LPP: variants seen among roughly 807,000 people sequenced by gnomAD.
LPP encodes LIM domain containing preferred translocation partner in lipoma.
In LPP, 38 loss-of-function variants were observed where a neutral mutation model predicts 60.4. The ratio of observed to expected loss-of-function variants is 0.63; its 90% CI spans 0.49 to 0.83. The LOEUF (loss-of-function observed/expected upper bound fraction) is 0.83. Among genes scored for constraint, LPP ranks in the 40% least tolerant of loss-of-function variants. The pLI, the probability that LPP is intolerant of heterozygous loss-of-function variation, is 0.00. For synonymous variants in LPP, 328 were observed against 290.8 expected (o/e 1.13, Z -1.30); for missense variants, 902 against 783.6 (o/e 1.15, Z -1.80).
intron 9 of LPP, among the ~76,000 whole-genome samples, chr3:188,853,416 C>T (rs2151877382): frequency 6.6e-6 from 1 of 152,156 alleles, no homozygotes; most frequent in Middle Eastern, 3.4e-3. Context: ...GAAGAGGTAA[C>T]ATTCACATAT....
At position 188,252,055 on chromosome 3, in the gene LPP, TATATATATATATATATATATACAC is replaced by T. The variant is rs1729878753; in HGVS notation, c.-67+26530_-67+26553del. On this transcript the variant is annotated intron_variant, in intron 2 of 11. Transcript: ENST00000617246. ...TGATATATATATATATATATATATATATATATATATATATATATATACACACACACACACACATATATCAGATTA... is the reference window on the plus strand; with the variant it reads ...TGATATATATATATATATATATATATACACACACACACATATATCAGATTA... Among the ~76,000 whole-genome samples, 3 of 98,364 alleles carry T rather than the reference TATATATATATATATATATATACAC, an allele frequency of 3.0e-5. No individual in the cohort carries two copies. The South Asian group carries it at 9.8e-4, about 32-fold the overall frequency. The allele number at this position is 98,364 out of a possible 152,430, so 64.5% of individuals were successfully genotyped here.
At chr3:188,704,939 C>T (rs999691044) in intron 7 of LPP, among the ~76,000 whole-genome samples, 10 of 151,916 alleles carry the variant, frequency 6.6e-5, no homozygotes, top group African/African-American at 2.4e-4. Flanking sequence ...CTGTCCAGAC[C>T]GAAATACTGA....
intron 4 of LPP, among the ~76,000 whole-genome samples, chr3:188,478,024 T>A (rs944248098): frequency 6.6e-6 from 1 of 152,188 alleles, no homozygotes; most frequent in Non-Finnish European, 1.5e-5. Context: ...TTCCTTTATT[T>A]AGTTTCATAA....
chr3:188,266,137 C>T (rs1209634761), intron 2 of LPP, among the ~76,000 whole-genome samples: 2 of 151,904 alleles, frequency 1.3e-5, no homozygotes, highest in East Asian at 1.9e-4. Flanking sequence ...TTTTTCCCCT[C>T]CCTTTCTCTT....
chr3:188,787,464 C>G (rs914354102), intron 9 of LPP, among the ~76,000 whole-genome samples: 2 of 151,906 alleles, frequency 1.3e-5, no homozygotes, highest in Admixed American at 1.3e-4. Context: ...GCTTTATTGT[C>G]TTTGCTCTAC....
intron 3 of LPP, among the ~76,000 whole-genome samples, chr3:188,387,820 C>T (rs971977264): frequency 6.6e-6 from 1 of 152,062 alleles, no homozygotes; most frequent in Non-Finnish European, 1.5e-5. Flanking sequence ...CTGCCTTGGC[C>T]TCCCAAAGTG....
chr3:188,475,363 A>G (rs905990409), intron 4 of LPP, among the ~76,000 whole-genome samples: 1 of 152,262 alleles, frequency 6.6e-6, no homozygotes, highest in Non-Finnish European at 1.5e-5. Flanking sequence ...ATGCATTAAA[A>G]TTAAACGCTG....
chr3:188,291,167 C>T (rs1745794732), intron 2 of LPP, among the ~76,000 whole-genome samples: 1 of 152,160 alleles, frequency 6.6e-6, no homozygotes, highest in Admixed American at 6.5e-5. Flanking sequence ...CTTTTACTTT[C>T]TTGGGCTTCT....
At chr3:188,638,391 A>G (rs1023225320) in intron 7 of LPP, among the ~76,000 whole-genome samples, 4 of 145,608 alleles carry the variant, frequency 2.7e-5, no homozygotes, top group Non-Finnish European at 6.1e-5. Flanking sequence ...ATCTATGACA[A>G]ACCCACAGCC....
At chr3:188,458,929 G>T (rs1476825575) in intron 4 of LPP, among the ~76,000 whole-genome samples, 1 of 151,828 alleles carries the variant, frequency 6.6e-6, no homozygotes, top group African/African-American at 2.4e-5. Context: ...ATGTTATTGG[G>T]TAAGGGTTTA....
chr3:188,783,939 C>T (rs1740688611), intron 9 of LPP, among the ~76,000 whole-genome samples: 2 of 151,974 alleles, frequency 1.3e-5, no homozygotes, highest in Admixed American at 1.3e-4. Context: ...TTTAATTTTT[C>T]AATAGGTTAT....
chr3:188,760,326 T>G (rs769523296), intron 9 of LPP, 44 bp downstream of exon 9: 2 of 1,604,572 alleles, frequency 1.2e-6, no homozygotes, highest in Non-Finnish European at 1.7e-6. Context: ...AAAGATGTCT[T>G]CTGTGGCTGA....
chr3:188,747,305 T>C (rs1041905277), intron 8 of LPP, among the ~76,000 whole-genome samples: 7 of 152,204 alleles, frequency 4.6e-5, no homozygotes, highest in Non-Finnish European at 1.0e-4. Flanking sequence ...AGCATTGCCA[T>C]GCAACTGAGA....
chr3:188,866,246 G>C lies in LPP; in HGVS notation c.1457G>C (p.Arg486Pro). Reference protein sequence around the residue: ...CNVCSKPIMERILRATGKAYH... With the variant: ...CNVCSKPIMEPILRATGKAYH... The stretch of plus-strand genomic sequence containing the variant: ...GTGTGTTCCAAGCCCATCATGGAGC[G>C]GATTCTCCGAGCCACCGGGAAGGCC... Residue 486 changes from arginine to proline, a missense_variant, in exon 10 of 12, where the codon CGG becomes CCG. By Grantham distance (103) the Arg-to-Pro change is moderately radical. Transcript: ENST00000617246. The C allele has an allele frequency of 6.3e-7, 1 of 1,580,564 alleles. No individual in the cohort carries two copies. Among genetic ancestry groups the C allele is most frequent in the South Asian group, 1.2e-5 (1 of 86,338 alleles).
chr3:188,608,293 T>G (rs1391550934), intron 6 of LPP, among the ~76,000 whole-genome samples: 2 of 152,234 alleles, frequency 1.3e-5, no homozygotes, highest in East Asian at 3.8e-4. Context: ...TGTTACTTCT[T>G]TTAGAAGTTT....
chr3:188,278,296 T>C (rs1740709640), intron 2 of LPP, among the ~76,000 whole-genome samples: 1 of 152,200 alleles, frequency 6.6e-6, no homozygotes, highest in Admixed American at 6.5e-5. Flanking sequence ...CTTTTGATTT[T>C]ATTTTTACCC....
chr3:188,288,265 T>C lies in LPP; in HGVS notation c.-66-53398T>C, dbSNP rs889334632. 5.6e-4 allele frequency among the ~76,000 whole-genome samples: 85 copies of C among 152,202 alleles called. 1 individual carries two copies. Among genetic ancestry groups the C allele is most frequent in the Admixed American group, 2.0e-4 (3 of 15,280 alleles). On this transcript the variant is annotated intron_variant, in intron 2 of 11. Transcript: ENST00000617246. ...GAATAGATTCCACTTGTGAGCGACA[T>C]TGGCTCAGACAAAAAGTTGCTCTCC...
intron 6 of LPP, among the ~76,000 whole-genome samples, chr3:188,528,789 G>T (rs1821372456): frequency 6.6e-6 from 1 of 152,160 alleles, no homozygotes; most frequent in Non-Finnish European, 1.5e-5. Flanking sequence ...TTGATTTTAA[G>T]TTCTAAACAC....
At chr3:188,665,009 G>A (rs531378122) in intron 7 of LPP, among the ~76,000 whole-genome samples, 2 of 152,278 alleles carry the variant, frequency 1.3e-5, no homozygotes, top group South Asian at 4.1e-4. Context: ...ACGCCCTCTA[G>A]AGGGATCCAT....
Sources: gnomAD v4.1 joint callset for allele counts (sites outside exome capture counted in the v4.1 genomes callset) on GRCh38, gnomAD v4.1.1 for gene constraint, MANE v1.5 for transcripts, NCBI Gene and HGNC (gene_info 2026-07-23, HGNC 2026-07-21) for gene names.